CRTAP: variants seen among roughly 807,000 people sequenced by gnomAD.
The protein encoded by CRTAP is cartilage associated protein, also known as cartilage-associated protein.
In CRTAP, 33 loss-of-function variants were observed where a neutral mutation model predicts 42.7. The observed-to-expected ratio is 0.77, with a 90% CI of 0.59 to 1.03. The LOEUF (loss-of-function observed/expected upper bound fraction) is 1.03. Among genes scored for constraint, CRTAP ranks in the 50% least tolerant of loss-of-function variants. The pLI, the probability that CRTAP is intolerant of heterozygous loss-of-function variation, is 0.00. For synonymous variants in CRTAP, 243 were observed against 217.7 expected, an observed-to-expected ratio of 1.12 and a Z score of -1.02; for missense variants, 613 against 533.9, an observed-to-expected ratio of 1.15 and a Z score of -1.46.
chr3:33,135,092 A>T (rs1252677730), intron 6 of CRTAP, among the ~76,000 whole-genome samples: 1 of 152,220 alleles, frequency 6.6e-6, no homozygotes, highest in African/African-American at 2.4e-5. Flanking sequence ...ACTGAGTCTC[A>T]GTTCTTTATC....
intron 2 of CRTAP, among the ~76,000 whole-genome samples, chr3:33,124,203 C>G (rs1408231185): frequency 6.6e-6 from 1 of 152,102 alleles, no homozygotes; most frequent in African/African-American, 2.4e-5. Flanking sequence ...TTGAATTGAA[C>G]TAAATAAGAA....
At chr3:33,130,099 G>A (rs1338401453) in intron 4 of CRTAP, 32 bp downstream of exon 4, 1 of 1,603,980 alleles carries the variant, frequency 6.2e-7, no homozygotes, top group East Asian at 2.2e-5. Flanking sequence ...CTTGGGTGAG[G>A]CACTTAGTCC....
chr3:33,123,755 G>A (rs1255947249), intron 2 of CRTAP, among the ~76,000 whole-genome samples: 3 of 151,066 alleles, frequency 2.0e-5, no homozygotes, highest in African/African-American at 7.3e-5. Context: ...TCAGCCTCGT[G>A]AGTAGCTGGG....
intron 4 of CRTAP, among the ~76,000 whole-genome samples, chr3:33,131,076 C>T (rs2030246124): frequency 6.6e-6 from 1 of 152,134 alleles, no homozygotes; most frequent in South Asian, 2.1e-4. Flanking sequence ...GGGAAAGTGG[C>T]AGTAGGACTT....
Position 33,142,442 on chromosome 3 carries a change from C to A in CRTAP, c.1200C>A (p.Thr400=). Residue 400 remains threonine (T), a synonymous_variant, in exon 7 of 7, where the codon ACC becomes ACA. Transcript: ENST00000320954. ...ATGACCTCTTGGAACTGGAGGAGACCAGCTAGCCCACAGCAACCAAAGAGA... is the reference window on the plus strand; with the variant it reads ...ATGACCTCTTGGAACTGGAGGAGACAAGCTAGCCCACAGCAACCAAAGAGA... ...YVDDLLELEE[T]S is the part of the protein sequence containing the mutation. 6.2e-7 allele frequency: 1 copy of A among 1,614,030 alleles called. No homozygotes were observed. Among genetic ancestry groups the A allele is most frequent in the Non-Finnish European group, 8.5e-7 (1 of 1,179,932 alleles).
chr3:33,134,177 A>G lies in CRTAP; in HGVS notation c.1069-5A>G, dbSNP rs1264076109. On this transcript the variant is annotated splice_region_variant and splice_polypyrimidine_tract_variant and intron_variant, in intron 5 of 6. Coordinates refer to ENST00000320954, the MANE Select transcript of CRTAP (RefSeq NM_006371.5). The stretch of plus-strand genomic sequence containing the variant: ...TATAAACTGTTCTCTGTTGTGTCTG[A>G]ACAGGAAGCAGTTCAGTTCTTTAAT... 2 of 1,608,694 alleles carry G rather than the reference A, an allele frequency of 1.2e-6. No homozygotes were observed. The highest frequency in any genetic ancestry group is 1.7e-6 in the Non-Finnish European group (2 of 1,175,156).
chr3:33,114,642 C>A (rs1701323442), intron 1 of CRTAP, 94 bp downstream of exon 1: 1 of 1,237,130 alleles, frequency 8.1e-7, no homozygotes, highest in Middle Eastern at 2.7e-4. Flanking sequence ...CCGCGTTGCC[C>A]CTCCAGTTCT....
intron 1 of CRTAP, among the ~76,000 whole-genome samples, chr3:33,115,628 A>G (rs1701333990): frequency 6.6e-6 from 1 of 152,156 alleles, no homozygotes; most frequent in African/African-American, 2.4e-5. Context: ...TCTGAGAAAG[A>G]TTTTAAAAGG....
chr3:33,135,606 CAAA>C (rs548837575), intron 6 of CRTAP, among the ~76,000 whole-genome samples: 7 of 86,894 alleles, frequency 8.1e-5, no homozygotes, highest in Admixed American at 1.3e-4. Context: ...GACCCTGCCT[CAAA>C]AAAAAAAAAA....
chr3:33,121,671 A>G (rs1055349434), intron 2 of CRTAP, among the ~76,000 whole-genome samples: 3 of 152,170 alleles, frequency 2.0e-5, no homozygotes, highest in Non-Finnish European at 2.9e-5. Context: ...GGAGAGGGAC[A>G]GGGTCACCCA....
intron 2 of CRTAP, 80 bp downstream of exon 2, chr3:33,120,573 G>C (rs751030425): frequency 6.5e-7 from 1 of 1,549,418 alleles, no homozygotes; most frequent in Non-Finnish European, 8.7e-7. Context: ...GCTGCTGATA[G>C]CTAAGGACCT....
chr3:33,120,351 A>G lies in CRTAP; in HGVS notation c.479A>G (p.Asn160Ser). The G allele has an allele frequency of 6.2e-7, 1 of 1,614,100 alleles. No homozygotes were observed. The highest frequency in any genetic ancestry group is 8.5e-7 in the Non-Finnish European group (1 of 1,179,952). The change falls in exon 2 of 7, where the codon AAT (asparagine) becomes AGT (serine). Residue 160 changes from asparagine (N) to serine (S), a missense_variant. Coordinates refer to ENST00000320954, the MANE Select transcript of CRTAP (RefSeq NM_006371.5). ...TGTTCTTTGTCCTTTTAGGCAAATA[A>G]TCTCCCCAAAGCCATCGCCGCTGCT... is the stretch of plus-strand genomic sequence containing the variant. ...FLQFAYFKAN[N>S]LPKAIAAAHT...
At chr3:33,120,916 C>T (rs774310387) in intron 2 of CRTAP, among the ~76,000 whole-genome samples, 7 of 152,084 alleles carry the variant, frequency 4.6e-5, no homozygotes, top group Non-Finnish European at 1.0e-4. Context: ...AAAATGAAGA[C>T]GAGTTAGGAA....
intron 6 of CRTAP, among the ~76,000 whole-genome samples, chr3:33,136,569 T>C (rs2030423871): frequency 6.6e-6 from 1 of 152,182 alleles, no homozygotes; most frequent in South Asian, 2.1e-4. Context: ...ATAGTGAGAC[T>C]CTGTCTCTAC....
chr3:33,140,970 G>A (rs2030554321), intron 6 of CRTAP, among the ~76,000 whole-genome samples: 1 of 151,904 alleles, frequency 6.6e-6, no homozygotes, highest in Admixed American at 6.6e-5. Context: ...TGCCAGGAAG[G>A]GCTGGTGTGT....
intron 4 of CRTAP, 44 bp from the exon 5 acceptor site, chr3:33,132,511 G>A (rs2030295118): frequency 1.9e-6 from 3 of 1,612,398 alleles, no homozygotes; most frequent in Non-Finnish European, 1.7e-6. Flanking sequence ...ATTATAGGGT[G>A]TGGTTTGCTG....
rs1459602931 is a variant in CRTAP at position 33,143,816 on chromosome 3, C to T, written c.*1368C>T. On this transcript the variant is annotated 3_prime_UTR_variant, in exon 7 of 7. Transcript: ENST00000320954. ...ATTCCAGGCAGAGGAACAGGATGTG[C>T]ACTGCCCCAAAGTGAGAACTTGCTC... 5 of 152,062 alleles carry T rather than the reference C, an allele frequency of 3.3e-5. No homozygotes were observed. Among genetic ancestry groups the T allele is most frequent in the African/African-American group, 1.2e-4 (5 of 41,376 alleles). 9.4% of individuals were successfully genotyped at this position (152,062 alleles called of 1,614,324 possible). A position where few individuals can be genotyped will look rare whatever the true frequency, so the allele number is the denominator to read the frequency against.
At chr3:33,134,745 A>G (rs2030372866) in intron 6 of CRTAP, among the ~76,000 whole-genome samples, 1 of 152,172 alleles carries the variant, frequency 6.6e-6, no homozygotes, top group South Asian at 2.1e-4. Flanking sequence ...CCCTGACTCA[A>G]CTGGTTATGG....
chr3:33,114,988 G>T (rs1410642504), intron 1 of CRTAP, among the ~76,000 whole-genome samples: 1 of 152,174 alleles, frequency 6.6e-6, no homozygotes, highest in African/African-American at 2.4e-5. Context: ...CAGTCGCCCA[G>T]GCTGGAGTGC....
Sources: allele counts gnomAD v4.1 joint callset (sites outside exome capture counted in the v4.1 genomes callset), GRCh38; gene constraint gnomAD v4.1.1; transcripts MANE v1.5; gene names NCBI Gene and HGNC (gene_info 2026-07-23, HGNC 2026-07-21).